The following PLXDC2 variants were observed in gnomAD, a reference collection of about 807,000 sequenced individuals.
PLXDC2 encodes the protein plexin domain-containing protein 2.
PLXDC2 carries 40 observed loss-of-function variants against 68.9 expected under a neutral mutation model. The ratio of observed to expected loss-of-function variants is 0.58; its 90% CI spans 0.45 to 0.76. The LOEUF is 0.76. PLXDC2 is among the 30% of genes least tolerant of loss of function. The pLI is 0.00. For missense variants in PLXDC2, 644 were observed against 661.9 expected, an observed-to-expected ratio of 0.97 and a Z score of 0.30; for synonymous variants, 243 against 234.2, an observed-to-expected ratio of 1.04 and a Z score of -0.34.
rs764503115 is a variant in PLXDC2, at chr10:19,817,051, G to A, written c.-29G>A. 4 of 1,471,158 alleles carry A rather than the reference G, an allele frequency of 2.7e-6. No individual in the cohort carries two copies. Among genetic ancestry groups the A allele is most frequent in the African/African-American group, 1.4e-5 (1 of 68,972 alleles). 91.1% of individuals were successfully genotyped at this position (1,471,158 alleles called of 1,614,324 possible). On this transcript the variant is annotated 5_prime_UTR_variant, in exon 1 of 14. Coordinates refer to ENST00000377252, the MANE Select transcript of PLXDC2 (RefSeq NM_032812.9). ...CCCCGAGCACCGGCGAAGGACTGGC[G>A]GGTGGGGTAGGGAGGTGGCGGCGGC...
intron 9 of PLXDC2, among the ~76,000 whole-genome samples, chr10:20,209,913 G>A (rs912153125): frequency 1.3e-5 from 2 of 152,124 alleles, no homozygotes; most frequent in Admixed American, 6.6e-5. Flanking sequence ...AGTAAAGACA[G>A]GTGTAAGAAA....
chr10:20,241,600 A>G (rs1223006972), intron 12 of PLXDC2, among the ~76,000 whole-genome samples: 1 of 152,120 alleles, frequency 6.6e-6, no homozygotes, highest in Non-Finnish European at 1.5e-5. Flanking sequence ...AGCCTGGGCA[A>G]TATAGTGAGA....
intron 4 of PLXDC2, among the ~76,000 whole-genome samples, chr10:20,139,683 G>A (rs1293683152): frequency 6.6e-6 from 1 of 152,158 alleles, no homozygotes; most frequent in Admixed American, 6.5e-5. Flanking sequence ...CATAAAAAAG[G>A]ATGAGTTAAC....
At chr10:19,871,931 C>T (rs1236840848) in intron 1 of PLXDC2, among the ~76,000 whole-genome samples, 4 of 151,666 alleles carry the variant, frequency 2.6e-5, no homozygotes, top group African/African-American at 9.7e-5. Context: ...ACCATATGCC[C>T]ATTTCCTTAA....
intron 1 of PLXDC2, among the ~76,000 whole-genome samples, chr10:19,964,503 T>G (rs1483774969): frequency 6.6e-6 from 1 of 152,094 alleles, no homozygotes; most frequent in African/African-American, 2.4e-5. Context: ...AGCAATACAC[T>G]GAAAGGAGTT....
Position 19,817,185 on chromosome 10 carries a change from A to G in PLXDC2, c.106A>G (p.Ile36Val). The G allele has an allele frequency of 6.4e-7, 1 of 1,565,264 alleles. No individual in the cohort carries two copies. Among genetic ancestry groups the G allele is most frequent in the Non-Finnish European group, 8.7e-7 (1 of 1,152,294 alleles). ...QFADGKPGDQILDWQYGVTQA... is the reference protein window; with the variant it reads ...QFADGKPGDQVLDWQYGVTQA... ...CGCCGATGGGAAACCCGGAGACCAA[A>G]TCCTTGGTAAGTAAGATGCACTTTA... The change falls in exon 1 of 14, where the codon ATC (isoleucine) becomes GTC (valine). Residue 36 changes from isoleucine to valine, a missense_variant. This residue lies in a region of PLXDC2 where 201 missense variants were observed against 166.9 expected (regional missense o/e 1.20). Coordinates refer to ENST00000377252, the MANE Select transcript of PLXDC2 (RefSeq NM_032812.9).
intron 12 of PLXDC2, 79 bp from the exon 13 acceptor site, chr10:20,245,266 A>C (rs937520078): frequency 6.9e-7 from 1 of 1,456,906 alleles, no homozygotes; most frequent in Non-Finnish European, 9.1e-7. Context: ...TTTATTAAAA[A>C]CACAAATATC....
chr10:19,928,396 A>T (rs1445746344), intron 1 of PLXDC2, among the ~76,000 whole-genome samples: 2 of 152,192 alleles, frequency 1.3e-5, no homozygotes, highest in Non-Finnish European at 2.9e-5. Context: ...CCATTTTATG[A>T]GTTTTTAGCT....
intron 2 of PLXDC2, among the ~76,000 whole-genome samples, chr10:20,025,739 G>A (rs1450655891): frequency 4.6e-5 from 7 of 151,910 alleles, no homozygotes; most frequent in African/African-American, 1.7e-4. Flanking sequence ...TAATGTAGTT[G>A]TCTGTTTTTT....
intron 9 of PLXDC2, among the ~76,000 whole-genome samples, chr10:20,181,770 C>T (rs1433053695): frequency 1.3e-5 from 2 of 151,984 alleles, no homozygotes; most frequent in Non-Finnish European, 1.5e-5. Context: ...ACTCTGTAAG[C>T]TAGGGAGAGT....
In PLXDC2 at chr10:19,919,681, A is replaced by T. The variant is rs546714641; in HGVS notation, c.113-82094A>T. On this transcript the variant is annotated intron_variant, in intron 1 of 13. Transcript: ENST00000377252. Reference sequence around the variant, plus strand: ...TATATACCTGCAGCTGATAGTGGTAATTCTTGGCCCATCAGACCTTTGGTT... The same window carrying T: ...TATATACCTGCAGCTGATAGTGGTATTTCTTGGCCCATCAGACCTTTGGTT... 4.9e-4 allele frequency among the ~76,000 whole-genome samples: 75 copies of T among 152,338 alleles called. 3 individuals carry two copies. The South Asian group carries it at 0.015, about 30-fold the overall frequency.
chr10:20,205,447 G>C (rs1276316121), intron 9 of PLXDC2, among the ~76,000 whole-genome samples: 3 of 152,008 alleles, frequency 2.0e-5, no homozygotes, highest in Non-Finnish European at 4.4e-5. Context: ...TGTAATTTCT[G>C]TCCATTTTGA....
chr10:20,191,373 T>C (rs1421607187), intron 9 of PLXDC2, among the ~76,000 whole-genome samples: 3 of 151,910 alleles, frequency 2.0e-5, no homozygotes, highest in Admixed American at 6.6e-5. Flanking sequence ...ACTATTCTTA[T>C]TCTCTGCATG....
chr10:20,255,923 T>A (rs1835736063), intron 13 of PLXDC2, among the ~76,000 whole-genome samples: 1 of 152,054 alleles, frequency 6.6e-6, no homozygotes, highest in African/African-American at 2.4e-5. Flanking sequence ...ACAAAGTAAA[T>A]TTTAATGCAA....
At chr10:19,919,751 T>C (rs17758552) in intron 1 of PLXDC2, among the ~76,000 whole-genome samples, 39,187 of 152,142 alleles carry the variant, frequency 0.26, 5,720 homozygotes, top group Middle Eastern at 0.39. Context: ...ATCTTGCCCT[T>C]TGGTCATGGT....
chr10:19,941,662 C>A (rs375470356), intron 1 of PLXDC2, among the ~76,000 whole-genome samples: 54 of 152,274 alleles, frequency 3.5e-4, no homozygotes, highest in Middle Eastern at 3.4e-3. Context: ...TTTTGAAGAT[C>A]TTTACAGAAG....
chr10:19,900,476 GA>G (rs1838139224), intron 1 of PLXDC2, among the ~76,000 whole-genome samples: 1 of 151,976 alleles, frequency 6.6e-6, no homozygotes, highest in Admixed American at 6.6e-5. Flanking sequence ...TTTAGGTGAG[GA>G]AAAAAAGCAA....
At position 19,816,926 on chromosome 10, in the gene PLXDC2, T is replaced by G. The variant is rs1398791621; in HGVS notation, c.-154T>G. The G allele has an allele frequency of 1.6e-6, 1 of 614,892 alleles. No homozygotes were observed. The highest frequency in any genetic ancestry group is 2.7e-5 in the East Asian group (1 of 36,454). 38.1% of individuals were successfully genotyped at this position (614,892 alleles called of 1,614,324 possible). A position where few individuals can be genotyped will look rare whatever the true frequency, so the allele number is the denominator to read the frequency against. ...CGCGTTCGCTTCTTCCTCTTCTCGGTTCCCTACTGTGAAATCGCAGCGACA... is the reference window on the plus strand; with the variant it reads ...CGCGTTCGCTTCTTCCTCTTCTCGGGTCCCTACTGTGAAATCGCAGCGACA... On this transcript the variant is annotated 5_prime_UTR_variant, in exon 1 of 14. Transcript: ENST00000377252.
At chr10:19,824,848 A>G (rs1169749875) in intron 1 of PLXDC2, among the ~76,000 whole-genome samples, 1 of 152,198 alleles carries the variant, frequency 6.6e-6, no homozygotes, top group Non-Finnish European at 1.5e-5. Context: ...AAAGGTGGTA[A>G]GCTGTGGAAT....
Sources: gnomAD v4.1 joint callset for allele counts (sites outside exome capture counted in the v4.1 genomes callset) on GRCh38, gnomAD v4.1.1 for gene constraint, gnomAD v4.1.1 regional missense constraint, MANE v1.5 for transcripts, NCBI Gene and HGNC (gene_info 2026-07-23, HGNC 2026-07-21) for gene names.